PCID2: variants seen among roughly 807,000 people sequenced by gnomAD.
The protein encoded by PCID2 is PCI domain-containing protein 2.
Under a neutral mutation model 61.3 loss-of-function variants are expected in PCID2, and 41 were observed. That is an observed-to-expected ratio of 0.67 (90% CI 0.52 to 0.87). PCID2 has a LOEUF of 0.87. Ranked by LOEUF, PCID2 falls within the 40% of genes least tolerant of loss-of-function variation. PCID2 has a pLI of 0.00. For synonymous variants in PCID2, 187 were observed against 177.8 expected (o/e 1.05, Z -0.41); for missense variants, 392 against 493.4 (o/e 0.79, Z 1.95).
At chr13:113,167,342 A>G in the PCID2 span, among the ~76,000 whole-genome samples, 740 of 152,348 alleles carry the variant, frequency 4.9e-3, 25 homozygotes, top group East Asian at 0.083. Flanking sequence ...TCATAAACAC[A>G]TGAAGAGTTC....
At chr13:113,187,513 G>C (rs557839138) in intron 7 of PCID2, 3 of 152,278 alleles carry the variant, frequency 2.0e-5, no homozygotes, top group Admixed American at 1.3e-4. Flanking sequence ...CATCCCACTG[G>C]GTGTGGCCTG....
the PCID2 span, chr13:113,171,928 G>A: frequency 6.2e-7 from 1 of 1,613,672 alleles, no homozygotes; most frequent in Non-Finnish European, 8.5e-7. This position sits in a 1 kb window ranked among gnomAD's most constrained non-coding sequence, Gnocchi z 5.1. Context: ...CCTACTGTGA[G>A]AGAAGCAGCG....
At chr13:113,193,926 A>C (rs1001316855) in intron 6 of PCID2, among the ~76,000 whole-genome samples, 42 of 152,248 alleles carry the variant, frequency 2.8e-4, no homozygotes, top group African/African-American at 9.1e-4. Context: ...GAAATCTCTG[A>C]AAGTTGAGAT....
At position 113,178,089 on chromosome 13, in the gene PCID2, C is replaced by T; in HGVS notation, c.*109G>A. ...TCAGCATCCCTGGGAAAAGCGCCTC[C>T]AAGAGTTCCGGCTTCAGGGAGCCTT... is the stretch of plus-strand genomic sequence containing the variant. On this transcript the variant is annotated 3_prime_UTR_variant, in exon 14 of 14. Coordinates refer to ENST00000337344, the MANE Select transcript of PCID2 (RefSeq NM_001127202.4). 2.9e-6 allele frequency: 2 copies of T among 691,592 alleles called. No homozygotes were observed. Among genetic ancestry groups the T allele is most frequent in the South Asian group, 3.9e-5 (2 of 51,928 alleles). The allele number at this position is 691,592 out of a possible 1,614,324, so 42.8% of individuals were successfully genotyped here.
the PCID2 span, among the ~76,000 whole-genome samples, chr13:113,169,611 CAG>C: frequency 2.0e-4 from 30 of 152,216 alleles, no homozygotes; most frequent in Non-Finnish European, 2.9e-4. Flanking sequence ...TAAGATTTGT[CAG>C]TAGGACCAGG....
intron 1 of PCID2, among the ~76,000 whole-genome samples, chr13:113,205,171 TG>T (rs1250266299): frequency 2.6e-5 from 4 of 152,196 alleles, no homozygotes; most frequent in African/African-American, 9.7e-5. Flanking sequence ...GAAGAACTAC[TG>T]AAGATTAAGG....
At chr13:113,171,508 C>A in the PCID2 span, 1 of 1,565,158 alleles carries the variant, frequency 6.4e-7, no homozygotes, top group Non-Finnish European at 8.7e-7. This position sits in a 1 kb window ranked among gnomAD's most constrained non-coding sequence, Gnocchi z 5.1. Flanking sequence ...TCTCCCTCCT[C>A]ACGTGGCTCC....
At chr13:113,195,300 A>G (rs1051399966) in intron 5 of PCID2, among the ~76,000 whole-genome samples, 175 bp from the exon 6 acceptor site, 8 of 152,210 alleles carry the variant, frequency 5.3e-5, no homozygotes, top group Admixed American at 3.3e-4. Context: ...TGCAGGCCTC[A>G]GACTTCCTGA....
the PCID2 span, among the ~76,000 whole-genome samples, chr13:113,168,210 G>T: frequency 1.3e-5 from 2 of 152,230 alleles, no homozygotes. Flanking sequence ...CATATATAGT[G>T]GAATGCGGAT....
At chr13:113,192,022 C>T (rs573546611) in intron 6 of PCID2, among the ~76,000 whole-genome samples, 6 of 152,298 alleles carry the variant, frequency 3.9e-5, no homozygotes, top group Admixed American at 3.9e-4. Flanking sequence ...TTTCGGGAGG[C>T]TGAGGTGGGA....
intron 1 of PCID2, among the ~76,000 whole-genome samples, chr13:113,206,763 G>A (rs553794773): frequency 3.3e-5 from 5 of 152,330 alleles, no homozygotes; most frequent in East Asian, 1.9e-4. Context: ...AGGAGGAAGC[G>A]GACTTTTTGC....
At chr13:113,165,290 G>C in the PCID2 span, 1 of 709,764 alleles carries the variant, frequency 1.4e-6, no homozygotes, top group South Asian at 1.5e-5. Flanking sequence ...TTCTAATGCC[G>C]AGTTCATAAC....
chr13:113,173,448 G>C (rs935749925), downstream of PCID2, among the ~76,000 whole-genome samples: 1 of 152,246 alleles, frequency 6.6e-6, no homozygotes, highest in Non-Finnish European at 1.5e-5. Context: ...ACACAGAGCA[G>C]AGCATCGTTG....
chr13:113,175,785 C>T (rs2037175932), downstream of PCID2, among the ~76,000 whole-genome samples: 1 of 152,224 alleles, frequency 6.6e-6, no homozygotes, highest in Admixed American at 6.5e-5. Flanking sequence ...GTACGTGTGG[C>T]AGTCCACGGC....
chr13:113,208,391 C>G (rs2040108713), intron 1 of PCID2: 1 of 1,440,686 alleles, frequency 6.9e-7, no homozygotes, highest in Non-Finnish European at 9.1e-7. Context: ...GCCCGGCCCC[C>G]ACGGCGGCCC....
chr13:113,199,706 C>G (rs1482749577), intron 2 of PCID2, among the ~76,000 whole-genome samples: 1 of 152,220 alleles, frequency 6.6e-6, no homozygotes, highest in Non-Finnish European at 1.5e-5. Flanking sequence ...CTAGCACTAA[C>G]TCCTACTTAG....
At position 113,178,196 on chromosome 13, in the gene PCID2, T is replaced by C; in HGVS notation, c.*2A>G. 1 of 1,611,808 alleles carries C rather than the reference T, an allele frequency of 6.2e-7. No homozygotes were observed. The highest frequency in any genetic ancestry group is 1.1e-5 in the South Asian group (1 of 91,026). The stretch of plus-strand genomic sequence containing the variant: ...CACCCGTCCTCGGGGCTCCGTGTAC[T>C]TTCAACACACCGTGGACAGGGGAGG... On this transcript the variant is annotated 3_prime_UTR_variant, in exon 14 of 14. Transcript: ENST00000337344.
intron 7 of PCID2, among the ~76,000 whole-genome samples, chr13:113,190,387 T>G (rs1210010129): frequency 2.0e-5 from 3 of 152,060 alleles, no homozygotes; most frequent in African/African-American, 7.2e-5. Flanking sequence ...GAATGACATT[T>G]TTAAAGTGCC....
At chr13:113,208,209 G>A in intron 1 of PCID2, 1 of 1,539,062 alleles carries the variant, frequency 6.5e-7, no homozygotes. Context: ...CCCGCATCCT[G>A]CTGGGAAACA....
Sources: gnomAD v4.1 joint callset for allele counts (sites outside exome capture counted in the v4.1 genomes callset) on GRCh38, gnomAD v4.1.1 for gene constraint, Gnocchi (gnomAD v3.1) non-coding constraint, MANE v1.5 for transcripts, NCBI Gene and HGNC (gene_info 2026-07-23, HGNC 2026-07-21) for gene names.